OVAAL: variants seen among roughly 807,000 people sequenced by gnomAD.
The protein encoded by OVAAL is long intergenic non-protein coding RNA 1131.
intron 2 of OVAAL, among the ~76,000 whole-genome samples, chr1:180,563,519 AGGTCCAAGT>A (rs1653242234): frequency 6.6e-6 from 1 of 152,154 alleles, no homozygotes. Context: ...CACTTAGAAG[AGGTCCAAGT>A]GGGCGACTTG....
At chr1:180,560,556 C>T (rs1393447368) in intron 1 of OVAAL, among the ~76,000 whole-genome samples, 1 of 152,172 alleles carries the variant, frequency 6.6e-6, no homozygotes, top group Non-Finnish European at 1.5e-5. Context: ...AGCTGTACCT[C>T]AGAGTTCCAA....
chr1:180,565,921 G>A lies in OVAAL; in HGVS notation n.1184G>A, dbSNP rs980651408. 3 of 152,130 alleles carry A rather than the reference G, an allele frequency of 2.0e-5. No individual in the cohort carries two copies. In the South Asian group the frequency reaches 6.2e-4, roughly 32 times the overall value. 9.4% of individuals were successfully genotyped at this position (152,130 alleles called of 1,614,324 possible). On this transcript the variant is annotated non_coding_transcript_exon_variant, in exon 3 of 3. Coordinates refer to ENST00000673955, the Ensembl canonical transcript of OVAAL. Reference sequence around the variant, plus strand: ...ACAGTGCCCTTTACACTTGATCTTAGCCAAAAGGCCGAGAAGAGATTACAG... The same window carrying A: ...ACAGTGCCCTTTACACTTGATCTTAACCAAAAGGCCGAGAAGAGATTACAG...
chr1:180,559,483 T>C (rs1176913307), intron 1 of OVAAL, among the ~76,000 whole-genome samples: 1 of 152,156 alleles, frequency 6.6e-6, no homozygotes, highest in Non-Finnish European at 1.5e-5. Flanking sequence ...CAATTTCAGG[T>C]ATCTGGTGGA....
intron 2 of OVAAL, among the ~76,000 whole-genome samples, chr1:180,564,515 G>A (rs1243742997): frequency 6.6e-6 from 1 of 151,974 alleles, no homozygotes; most frequent in Non-Finnish European, 1.5e-5. Context: ...AGTCTTTTAG[G>A]CTCCAAATGA....
At chr1:180,561,027 G>GGGA (rs1210201166) in intron 1 of OVAAL, among the ~76,000 whole-genome samples, 1 of 152,118 alleles carries the variant, frequency 6.6e-6, no homozygotes, top group East Asian at 1.9e-4. Flanking sequence ...GGTGGGGCTT[G>GGGA]AGTCACTGCA....
chr1:180,563,160 GC>G (rs1254066804), intron 2 of OVAAL, among the ~76,000 whole-genome samples: 1 of 152,138 alleles, frequency 6.6e-6, no homozygotes, highest in Admixed American at 6.5e-5. Flanking sequence ...CCTCCTGCAG[GC>G]CCTAGGATGC....
chr1:180,566,301 A>T (rs1301681353), exon 3 of OVAAL: 1 of 151,988 alleles, frequency 6.6e-6, no homozygotes, highest in Non-Finnish European at 1.5e-5. Flanking sequence ...AACAATGGAA[A>T]TTTTTTTTAG....
intron 2 of OVAAL, chr1:180,562,454 C>T (rs1451736897): frequency 6.6e-6 from 1 of 152,110 alleles, no homozygotes; most frequent in Non-Finnish European, 1.5e-5. Context: ...TCGAGGGTCT[C>T]AGGTATAACG....
chr1:180,559,275 C>T (rs888198351), intron 1 of OVAAL, among the ~76,000 whole-genome samples: 3 of 152,148 alleles, frequency 2.0e-5, no homozygotes, highest in African/African-American at 7.2e-5. Context: ...AAGTTTGGAA[C>T]CTCCTAGAGA....
exon 3 of OVAAL, chr1:180,565,358 A>G (rs964463479): frequency 6.6e-6 from 1 of 152,350 alleles, no homozygotes; most frequent in African/African-American, 2.4e-5. Context: ...GCCACTGTCC[A>G]GGGCTCCACC....
chr1:180,563,735 C>T (rs1653246427), intron 2 of OVAAL, among the ~76,000 whole-genome samples: 1 of 152,088 alleles, frequency 6.6e-6, no homozygotes, highest in South Asian at 2.1e-4. Context: ...TGGTGACATG[C>T]CCCCAGAAGA....
chr1:180,560,100 G>A (rs1234509873), intron 1 of OVAAL, among the ~76,000 whole-genome samples: 1 of 152,086 alleles, frequency 6.6e-6, no homozygotes, highest in Non-Finnish European at 1.5e-5. Context: ...GGAAAAAAGT[G>A]AGGCTTAGAG....
intron 2 of OVAAL, among the ~76,000 whole-genome samples, chr1:180,563,642 C>T (rs550476119): frequency 2.0e-5 from 3 of 152,262 alleles, no homozygotes; most frequent in Non-Finnish European, 4.4e-5. Flanking sequence ...TGTGTAGTGA[C>T]CTGCTAGCAC....
intron 1 of OVAAL, among the ~76,000 whole-genome samples, chr1:180,559,209 A>T (rs1044515044): frequency 6.6e-6 from 1 of 152,218 alleles, no homozygotes; most frequent in African/African-American, 2.4e-5. Flanking sequence ...GAACTGGGCA[A>T]CAGGCAAAGG....
At chr1:180,562,458 T>C (rs765970490) in intron 2 of OVAAL, 3 of 152,174 alleles carry the variant, frequency 2.0e-5, no homozygotes, top group Non-Finnish European at 4.4e-5. Flanking sequence ...GGGTCTCAGG[T>C]ATAACGTCCT....
At chr1:180,566,415 T>A (rs1042390847) in exon 3 of OVAAL, 1 of 152,250 alleles carries the variant, frequency 6.6e-6, no homozygotes, top group Non-Finnish European at 1.5e-5. Flanking sequence ...AGTGTTTTCT[T>A]GTACCAAGGC....
chr1:180,561,960 T>C (rs113347903), intron 1 of OVAAL, among the ~76,000 whole-genome samples: 4,106 of 151,804 alleles, frequency 0.027, 189 homozygotes, highest in African/African-American at 0.093. Flanking sequence ...GATGCTGAGG[T>C]TGCAGTGAGC....
At chr1:180,565,289 G>A (rs1571622982) in exon 3 of OVAAL, 1 of 152,336 alleles carries the variant, frequency 6.6e-6, no homozygotes, top group Admixed American at 6.5e-5. Context: ...CCATCCTATT[G>A]GCTTGGACTG....
chr1:180,560,672 A>C (rs1340577891), intron 1 of OVAAL, among the ~76,000 whole-genome samples: 1 of 152,154 alleles, frequency 6.6e-6, no homozygotes, highest in African/African-American at 2.4e-5. Flanking sequence ...TATAACCTAC[A>C]CCTTTACTGG....
Sources: allele counts gnomAD v4.1 joint callset (sites outside exome capture counted in the v4.1 genomes callset), GRCh38; gene constraint gnomAD v4.1.1; transcripts MANE v1.5; gene names NCBI Gene and HGNC (gene_info 2026-07-23, HGNC 2026-07-21).